The following UNC13C variants were observed in gnomAD, a reference collection of about 807,000 sequenced individuals.
UNC13C encodes the protein unc-13 homolog C.
A neutral mutation model predicts 245.4 loss-of-function variants in UNC13C; 174 were observed. The ratio of observed to expected loss-of-function variants is 0.71; its 90% CI spans 0.63 to 0.80. The LOEUF (loss-of-function observed/expected upper bound fraction) is 0.80. Among genes scored for constraint, UNC13C ranks in the 30% least tolerant of loss-of-function variants. The pLI is 0.00. For synonymous variants in UNC13C, 992 were observed against 895.1 expected (o/e 1.11, Z -1.93); for missense variants, 2,829 against 2,602.9 (o/e 1.09, Z -1.89).
intron 2 of UNC13C, among the ~76,000 whole-genome samples, chr15:54,114,459 C>T (rs758189708): frequency 6.6e-6 from 1 of 151,986 alleles, no homozygotes; most frequent in Non-Finnish European, 1.5e-5. Context: ...GATGCTATAC[C>T]GGTTGATCTA....
intron 10 of UNC13C, among the ~76,000 whole-genome samples, chr15:54,285,680 C>T (rs2037126160): frequency 6.6e-6 from 1 of 152,072 alleles, no homozygotes; most frequent in South Asian, 2.1e-4. Context: ...TGAGATCATT[C>T]ATAATTACTA....
At chr15:54,325,043 A>C (rs143990924) in intron 14 of UNC13C, among the ~76,000 whole-genome samples, 2 of 151,914 alleles carry the variant, frequency 1.3e-5, no homozygotes, top group African/African-American at 4.8e-5. Flanking sequence ...TTCTTTTTCT[A>C]TTGTGGCTCA....
the UNC13C span, among the ~76,000 whole-genome samples, chr15:53,906,324 A>C: frequency 6.6e-6 from 1 of 152,196 alleles, no homozygotes; most frequent in Non-Finnish European, 1.5e-5. Context: ...TCTCAAAAAA[A>C]GAAGTCTCTG....
the UNC13C span, among the ~76,000 whole-genome samples, chr15:53,971,865 G>C: frequency 6.6e-6 from 1 of 152,100 alleles, no homozygotes; most frequent in Non-Finnish European, 1.5e-5. Flanking sequence ...AGCTGATACT[G>C]TCAAGTACTT....
At chr15:54,421,049 C>A (rs59105022) in intron 19 of UNC13C, among the ~76,000 whole-genome samples, 1 of 151,978 alleles carries the variant, frequency 6.6e-6, no homozygotes, top group Non-Finnish European at 1.5e-5. Context: ...TTAGCACTTG[C>A]TAGGTACTGG....
intron 2 of UNC13C, among the ~76,000 whole-genome samples, chr15:54,113,287 G>C (rs760993754): frequency 3.9e-5 from 6 of 152,144 alleles, no homozygotes; most frequent in Non-Finnish European, 5.9e-5. Context: ...TAGCTTTATG[G>C]CATTCATGAT....
intron 2 of UNC13C, among the ~76,000 whole-genome samples, chr15:54,122,338 T>C (rs1384971193): frequency 6.6e-6 from 1 of 152,028 alleles, no homozygotes; most frequent in Admixed American, 6.6e-5. Context: ...TTTGGTTCTT[T>C]AGTTAGTTTT....
At chr15:53,850,339 C>T in the UNC13C span, among the ~76,000 whole-genome samples, 3 of 152,050 alleles carry the variant, frequency 2.0e-5, no homozygotes, top group African/African-American at 4.8e-5. Flanking sequence ...CACTTGAACC[C>T]CGGTGGTTGA....
intron 29 of UNC13C, among the ~76,000 whole-genome samples, chr15:54,564,987 C>G (rs8041282): frequency 0.37 from 55,568 of 151,700 alleles, 10,306 homozygotes; most frequent in East Asian, 0.54. Flanking sequence ...CAGGGTTTGT[C>G]TTGGTTACTT....
chr15:54,408,058 G>C (rs952346737), intron 18 of UNC13C, among the ~76,000 whole-genome samples: 1 of 151,348 alleles, frequency 6.6e-6, no homozygotes, highest in African/African-American at 2.4e-5. Flanking sequence ...AAAATTAGCC[G>C]GGCATGGTGG....
chr15:54,297,358 G>A (rs2037463497), intron 11 of UNC13C, among the ~76,000 whole-genome samples: 1 of 150,198 alleles, frequency 6.7e-6, no homozygotes, highest in South Asian at 2.1e-4. Context: ...TACTTTTTTT[G>A]CATTTTTAAA....
intron 17 of UNC13C, among the ~76,000 whole-genome samples, chr15:54,339,579 G>T (rs2038677795): frequency 6.6e-6 from 1 of 151,806 alleles, no homozygotes; most frequent in South Asian, 2.1e-4. Flanking sequence ...TATCTAGGTT[G>T]CTGTGAATGC....
intron 14 of UNC13C, among the ~76,000 whole-genome samples, chr15:54,329,096 T>C (rs974823375): frequency 5.5e-4 from 83 of 151,410 alleles, no homozygotes; most frequent in African/African-American, 1.9e-3. Context: ...TTTTTTTTTT[T>C]TTTTTGCTTG....
chr15:54,553,951 A>G (rs1896985162), intron 28 of UNC13C, among the ~76,000 whole-genome samples: 1 of 151,972 alleles, frequency 6.6e-6, no homozygotes, highest in Non-Finnish European at 1.5e-5. Context: ...CTCAATGGGT[A>G]TATAATATTG....
Position 54,338,366 on chromosome 15 carries a change from G to A in UNC13C, c.4590G>A (p.Leu1530=), listed in dbSNP as rs1190823781. Residue 1530 remains leucine (L), a synonymous_variant, in exon 17 of 33, where the codon CTG becomes CTA. Transcript: ENST00000260323. The part of the protein sequence containing the change: ...TSITFFRMKV[L]ELQSPPKASM... ...TAAATGTCTGTCTTTGTCAGGTTCTGGAGCTGCAAAGCCCCCCAAAAGCGA... is the reference window on the plus strand; with the variant it reads ...TAAATGTCTGTCTTTGTCAGGTTCTAGAGCTGCAAAGCCCCCCAAAAGCGA... 2 of 1,608,042 alleles carry A rather than the reference G, an allele frequency of 1.2e-6. No homozygotes were observed. The highest frequency in any genetic ancestry group is 1.7e-6 in the Non-Finnish European group (2 of 1,176,420).
chr15:54,426,972 G>A (rs1379604716), intron 19 of UNC13C, among the ~76,000 whole-genome samples: 1 of 151,738 alleles, frequency 6.6e-6, no homozygotes, highest in Non-Finnish European at 1.5e-5. Context: ...TAAAACCTGA[G>A]TTAACCATTC....
Position 54,232,537 on chromosome 15 carries a change from C to G in UNC13C, c.3072-2493C>G, listed in dbSNP as rs895157353. Among the ~76,000 whole-genome samples the G allele has an allele frequency of 2.0e-5, 3 of 152,052 alleles. No individual in the cohort carries two copies. In the East Asian group the frequency reaches 5.8e-4, roughly 29 times the overall value. On this transcript the variant is annotated intron_variant, in intron 4 of 32. Coordinates refer to ENST00000260323, the MANE Select transcript of UNC13C (RefSeq NM_001080534.3). ...TACTTTGAAAATTTGAATTAAGTTT[C>G]ATGGAAAGGAAACCATAAAAGAAAT...
At chr15:54,612,331 A>C (rs1900150073) in intron 30 of UNC13C, among the ~76,000 whole-genome samples, 1 of 152,044 alleles carries the variant, frequency 6.6e-6, no homozygotes, top group Admixed American at 6.6e-5. Context: ...CACATGAACC[A>C]GTTAAATTTC....
intron 2 of UNC13C, among the ~76,000 whole-genome samples, chr15:54,098,231 C>G (rs1335927362): frequency 3.3e-5 from 5 of 152,034 alleles, no homozygotes; most frequent in Non-Finnish European, 5.9e-5. Flanking sequence ...CTGGAATGCT[C>G]TGTGGTGATG....
Sources: gnomAD v4.1 joint callset for allele counts (sites outside exome capture counted in the v4.1 genomes callset) on GRCh38, gnomAD v4.1.1 for gene constraint, MANE v1.5 for transcripts, NCBI Gene and HGNC (gene_info 2026-07-23, HGNC 2026-07-21) for gene names.